Variants in POU2F1 observed in about 807,000 individuals in gnomAD.
POU2F1 encodes the protein POU class 2 homeobox 1.
Under a neutral mutation model 84.9 loss-of-function variants are expected in POU2F1, and 16 were observed. That is an observed-to-expected ratio of 0.19 (90% CI 0.13 to 0.29). The LOEUF (loss-of-function observed/expected upper bound fraction) is 0.29, where lower values mean the gene tolerates loss of function less well. Ranked by LOEUF, POU2F1 falls within the 10% of genes least tolerant of loss-of-function variation. The pLI, the probability that POU2F1 is intolerant of heterozygous loss-of-function variation, is 1.00. For missense variants in POU2F1, 738 were observed against 942.6 expected, an observed-to-expected ratio of 0.78 and a Z score of 2.84; for synonymous variants, 368 against 368.3, an observed-to-expected ratio of 1.00 and a Z score of 0.01.
intron 1 of POU2F1, among the ~76,000 whole-genome samples, chr1:167,277,033 T>G (rs1652776879): frequency 6.6e-6 from 1 of 152,188 alleles, no homozygotes; most frequent in African/African-American, 2.4e-5. Context: ...CTTAAGATCA[T>G]CAGTGACCTT....
At chr1:167,295,376 C>T (rs1211759473) in intron 1 of POU2F1, among the ~76,000 whole-genome samples, 5 of 152,148 alleles carry the variant, frequency 3.3e-5, no homozygotes, top group African/African-American at 1.2e-4. Context: ...ATGTCTTTTG[C>T]AGCAACTTGG....
chr1:167,293,769 A>T (rs911886277), intron 1 of POU2F1, among the ~76,000 whole-genome samples: 4 of 152,214 alleles, frequency 2.6e-5, no homozygotes, highest in African/African-American at 9.7e-5. Context: ...CATGTAGACC[A>T]ATGGAACAGG....
intron 2 of POU2F1, among the ~76,000 whole-genome samples, chr1:167,346,732 G>A (rs994728436): frequency 6.6e-6 from 1 of 152,204 alleles, no homozygotes; most frequent in Non-Finnish European, 1.5e-5. Context: ...CTGCTGTGCA[G>A]CCTGTTCCTA....
intron 2 of POU2F1, among the ~76,000 whole-genome samples, 175 bp from the exon 3 acceptor site, chr1:167,365,292 G>C (rs931745733): frequency 1.3e-5 from 2 of 152,156 alleles, no homozygotes; most frequent in Admixed American, 6.5e-5. Context: ...ATGCAGTCCT[G>C]CTTTTAGAAG....
At chr1:167,307,747 C>T (rs1341745627) in intron 1 of POU2F1, among the ~76,000 whole-genome samples, 2 of 152,146 alleles carry the variant, frequency 1.3e-5, no homozygotes, top group African/African-American at 4.8e-5. Context: ...ATCGACTAAT[C>T]CGTAGACCCT....
intron 1 of POU2F1, among the ~76,000 whole-genome samples, chr1:167,324,593 A>C (rs1656563692): frequency 6.6e-6 from 1 of 152,122 alleles, no homozygotes; most frequent in African/African-American, 2.4e-5. Context: ...ATGGGATAAG[A>C]ATTTTTACAT....
intron 1 of POU2F1, among the ~76,000 whole-genome samples, chr1:167,305,411 G>A (rs559167920): frequency 6.6e-6 from 1 of 152,178 alleles, no homozygotes; most frequent in East Asian, 1.9e-4. Context: ...CGTTGCCCAG[G>A]CTGGTCTTGA....
At chr1:167,237,025 T>A (rs1343278575) in intron 1 of POU2F1, among the ~76,000 whole-genome samples, 1 of 152,122 alleles carries the variant, frequency 6.6e-6, no homozygotes, top group African/African-American at 2.4e-5. Flanking sequence ...TCACCTAACC[T>A]CCTAGCAAGC....
intron 3 of POU2F1, among the ~76,000 whole-genome samples, chr1:167,367,288 G>A (rs1424633749): frequency 6.6e-6 from 1 of 152,232 alleles, no homozygotes; most frequent in South Asian, 2.1e-4. Flanking sequence ...AAAATCGATG[G>A]CTTTAGGTCT....
At chr1:167,378,402 ATT>A (rs71572454) in intron 7 of POU2F1, among the ~76,000 whole-genome samples, 8,011 of 108,172 alleles carry the variant, frequency 0.074, 467 homozygotes, top group African/African-American at 0.22. Context: ...TGCCCAGCTA[ATT>A]TTTTTTTTTT....
chr1:167,326,855 G>A (rs773191145), intron 1 of POU2F1, among the ~76,000 whole-genome samples: 11 of 152,200 alleles, frequency 7.2e-5, no homozygotes, highest in Admixed American at 1.3e-4. Context: ...ACTCACAGTA[G>A]AAAGGTAGTT....
intron 1 of POU2F1, among the ~76,000 whole-genome samples, chr1:167,290,251 T>TGTG (rs1449902230): frequency 1.3e-5 from 2 of 151,518 alleles, no homozygotes; most frequent in Non-Finnish European, 2.9e-5. Context: ...ATCAGCCCAG[T>TGTG]GTGGTGGTGG....
chr1:167,384,984 G>T (rs949837650), intron 8 of POU2F1, among the ~76,000 whole-genome samples: 1 of 152,004 alleles, frequency 6.6e-6, no homozygotes, highest in Non-Finnish European at 1.5e-5. Flanking sequence ...AAAGCTACTG[G>T]AATAAGTGAG....
intron 1 of POU2F1, among the ~76,000 whole-genome samples, chr1:167,283,812 G>A (rs1653337622): frequency 6.6e-6 from 1 of 152,108 alleles, no homozygotes; most frequent in Non-Finnish European, 1.5e-5. Flanking sequence ...TTTCCATTAA[G>A]CATTCCTTGC....
intron 10 of POU2F1, among the ~76,000 whole-genome samples, chr1:167,397,593 T>C (rs1648896989): frequency 6.6e-6 from 1 of 152,224 alleles, no homozygotes; most frequent in African/African-American, 2.4e-5. Context: ...TTGTCCAGGC[T>C]GGAGTGCAGT....
At position 167,383,942 on chromosome 1, in the gene POU2F1, C is replaced by T; in HGVS notation, c.804C>T (p.Leu268=). ...NLLQSQPSIT[L]TSQPATPTRT... ...TACAGTCGCAGCCAAGCATCACCCT[C>T]ACCTCCCAGGTCAGTTTTCTTCTAT... The change falls in exon 8 of 16, where the codon CTC becomes CTT. Residue 268 remains leucine, a synonymous_variant. Transcript: ENST00000367866. The T allele has an allele frequency of 3.1e-6, 5 of 1,612,898 alleles. No individual in the cohort carries two copies. Among genetic ancestry groups the T allele is most frequent in the Non-Finnish European group, 3.4e-6 (4 of 1,179,164 alleles).
At chr1:167,305,224 G>C (rs1571264507) in intron 1 of POU2F1, among the ~76,000 whole-genome samples, 3 of 150,288 alleles carry the variant, frequency 2.0e-5, no homozygotes, top group African/African-American at 4.9e-5. Flanking sequence ...ATCTCTCTCT[G>C]TTGCCCAGGC....
chr1:167,390,742 A>T (rs1038196354), intron 9 of POU2F1, among the ~76,000 whole-genome samples: 14 of 152,210 alleles, frequency 9.2e-5, no homozygotes, highest in Admixed American at 5.2e-4. Context: ...GTGAGCCATG[A>T]TTGCTCCATT....
chr1:167,395,072 T>C (rs1442823609), intron 9 of POU2F1, among the ~76,000 whole-genome samples: 1 of 152,186 alleles, frequency 6.6e-6, no homozygotes, highest in Non-Finnish European at 1.5e-5. Flanking sequence ...ACTAAACTAA[T>C]TGAAATGAAT....
Sources: gnomAD v4.1 joint callset for allele counts (sites outside exome capture counted in the v4.1 genomes callset) on GRCh38, gnomAD v4.1.1 for gene constraint, MANE v1.5 for transcripts, NCBI Gene and HGNC (gene_info 2026-07-23, HGNC 2026-07-21) for gene names.